CSMD1: variants seen among roughly 807,000 people sequenced by gnomAD.
CSMD1 encodes CUB and sushi domain-containing protein 1.
A neutral mutation model predicts 417.5 loss-of-function variants in CSMD1; 213 were observed. The observed-to-expected ratio is 0.51, with a 90% CI of 0.46 to 0.57. The LOEUF is 0.57. CSMD1 is among the 20% of genes least tolerant of loss of function. The pLI is 0.00. For missense variants in CSMD1, 6,923 were observed against 4,529.7 expected (o/e 1.53, Z -15.17); for synonymous variants, 2,862 against 1,736.8 (o/e 1.65, Z -16.11).
chr8:4,761,761 G>C (rs1282014618), intron 1 of CSMD1, among the ~76,000 whole-genome samples: 1 of 152,086 alleles, frequency 6.6e-6, no homozygotes, highest in Non-Finnish European at 1.5e-5. Flanking sequence ...TACTGAGCAT[G>C]TAACTTGTTT....
intron 37 of CSMD1, among the ~76,000 whole-genome samples, chr8:3,179,167 G>T (rs552776683): frequency 4.0e-5 from 6 of 151,416 alleles, no homozygotes; most frequent in South Asian, 2.1e-4. Context: ...GGACTGTCTC[G>T]ATCTCCTGAC....
chr8:3,270,034 C>T (rs7009452), intron 26 of CSMD1, among the ~76,000 whole-genome samples: 2 of 142,702 alleles, frequency 1.4e-5, no homozygotes, highest in African/African-American at 5.1e-5. Flanking sequence ...CAAGGACTTT[C>T]TCTAACCTCT....
intron 3 of CSMD1, among the ~76,000 whole-genome samples, chr8:4,056,846 C>A (rs1254259684): frequency 6.6e-6 from 1 of 152,140 alleles, no homozygotes; most frequent in South Asian, 2.1e-4. Context: ...TCATCCATGT[C>A]CCTACAAAGG....
At chr8:3,869,040 C>T (rs568163837) in intron 5 of CSMD1, among the ~76,000 whole-genome samples, 2 of 152,206 alleles carry the variant, frequency 1.3e-5, no homozygotes, top group South Asian at 2.1e-4. Context: ...ATTTACAGTG[C>T]CCTCAGGGTC....
intron 2 of CSMD1, among the ~76,000 whole-genome samples, chr8:4,454,428 C>G (rs1799347287): frequency 1.3e-5 from 2 of 152,178 alleles, no homozygotes; most frequent in African/African-American, 2.4e-5. Flanking sequence ...TTTGGATACC[C>G]TACCCTAGTC....
chr8:4,512,597 C>G (rs1451457304), intron 2 of CSMD1, among the ~76,000 whole-genome samples: 4 of 152,000 alleles, frequency 2.6e-5, no homozygotes, highest in Admixed American at 1.3e-4. Context: ...TTGTAGGATA[C>G]AAAGTTAACA....
intron 4 of CSMD1, among the ~76,000 whole-genome samples, chr8:4,012,122 A>T (rs1816588597): frequency 6.6e-6 from 1 of 152,072 alleles, no homozygotes; most frequent in South Asian, 2.1e-4. Context: ...CTAGATTTAA[A>T]ATATATATAT....
intron 2 of CSMD1, among the ~76,000 whole-genome samples, chr8:4,441,871 T>A (rs987085937): frequency 1.3e-5 from 2 of 152,334 alleles, no homozygotes; most frequent in African/African-American, 2.4e-5. Flanking sequence ...AGATTTGAGT[T>A]ATTTTAAAGT....
intron 3 of CSMD1, among the ~76,000 whole-genome samples, chr8:4,138,917 C>T (rs1319647944): frequency 6.6e-6 from 1 of 152,118 alleles, no homozygotes; most frequent in Non-Finnish European, 1.5e-5. Flanking sequence ...TCCAGTCCTG[C>T]AAGCTTCTAT....
intron 26 of CSMD1, among the ~76,000 whole-genome samples, chr8:3,265,069 A>G (rs1355009433): frequency 6.6e-6 from 1 of 152,224 alleles, no homozygotes; most frequent in Non-Finnish European, 1.5e-5. Context: ...AGGCAATTCA[A>G]CACAAATCTG....
At chr8:4,809,262 A>C (rs577204595) in intron 1 of CSMD1, among the ~76,000 whole-genome samples, 1 of 152,230 alleles carries the variant, frequency 6.6e-6, no homozygotes, top group Non-Finnish European at 1.5e-5. Flanking sequence ...ACTTCTAATG[A>C]AGGGCAATAA....
chr8:3,236,222 A>G (rs138501113), intron 26 of CSMD1, among the ~76,000 whole-genome samples: 18 of 152,196 alleles, frequency 1.2e-4, no homozygotes, highest in Non-Finnish European at 2.4e-4. Flanking sequence ...CTCGCCGAAA[A>G]TGTGAGTTTC....
At chr8:4,370,026 A>G (rs1266645813) in intron 3 of CSMD1, among the ~76,000 whole-genome samples, 3 of 152,004 alleles carry the variant, frequency 2.0e-5, no homozygotes, top group Non-Finnish European at 4.4e-5. Context: ...TTAGTTGTAT[A>G]GTTGATTTAT....
intron 3 of CSMD1, among the ~76,000 whole-genome samples, chr8:4,033,912 A>T (rs983726892): frequency 1.3e-5 from 2 of 152,182 alleles, no homozygotes. Context: ...TATTGTATCC[A>T]TATCTAAGGT....
chr8:3,494,728 C>G (rs1298981037), intron 10 of CSMD1, among the ~76,000 whole-genome samples: 1 of 152,012 alleles, frequency 6.6e-6, no homozygotes, highest in Non-Finnish European at 1.5e-5. Context: ...AAGAGAGACG[C>G]AGAGGGTGTG....
chr8:4,604,544 C>T (rs1220245333), intron 2 of CSMD1, among the ~76,000 whole-genome samples: 3 of 152,074 alleles, frequency 2.0e-5, no homozygotes, highest in East Asian at 1.9e-4. Context: ...AATAAATGAA[C>T]GCTTTTATTT....
chr8:4,837,432 CA>C (rs1395470221), intron 1 of CSMD1, among the ~76,000 whole-genome samples: 1 of 152,108 alleles, frequency 6.6e-6, no homozygotes, highest in African/African-American at 2.4e-5. Context: ...GAGATTCTAT[CA>C]TTTGCAACAA....
intron 46 of CSMD1, among the ~76,000 whole-genome samples, chr8:3,097,619 G>A (rs1427667554): frequency 1.3e-5 from 2 of 152,166 alleles, no homozygotes; most frequent in East Asian, 3.9e-4. Context: ...ATAGCCCGGG[G>A]ATGATGACAG....
intron 3 of CSMD1, among the ~76,000 whole-genome samples, chr8:4,375,411 G>C (rs895268471): frequency 2.0e-5 from 3 of 152,212 alleles, no homozygotes; most frequent in Middle Eastern, 3.4e-3. Context: ...GGAATAATGA[G>C]CACAAGCATC....
Sources: allele counts gnomAD v4.1 joint callset (sites outside exome capture counted in the v4.1 genomes callset), GRCh38; gene constraint gnomAD v4.1.1; transcripts MANE v1.5; gene names NCBI Gene and HGNC (gene_info 2026-07-23, HGNC 2026-07-21).